RIMS2: variants seen among roughly 807,000 people sequenced by gnomAD.
RIMS2 encodes regulating synaptic membrane exocytosis protein 2.
A neutral mutation model predicts 174.4 loss-of-function variants in RIMS2; 59 were observed. That is an observed-to-expected ratio of 0.34 (90% CI 0.27 to 0.42). The LOEUF (loss-of-function observed/expected upper bound fraction) is 0.42, where lower values mean the gene tolerates loss of function less well. Among genes scored for constraint, RIMS2 ranks in the 10% least tolerant of loss-of-function variants. The probability of loss-of-function intolerance (pLI) is 1.00; values close to 1 mark genes in which losing one functional copy is unlikely to be tolerated. For missense variants in RIMS2, 1,620 were observed against 1,666.3 expected (o/e 0.97, Z 0.48); for synonymous variants, 606 against 572.5 (o/e 1.06, Z -0.84).
At chr8:104,183,982 A>C (rs1041663475) in intron 19 of RIMS2, among the ~76,000 whole-genome samples, 1 of 151,478 alleles carries the variant, frequency 6.6e-6, no homozygotes, top group Non-Finnish European at 1.5e-5. Context: ...CGAGGAAAAA[A>C]CTTTTGTTCC....
chr8:104,173,473 T>C (rs191555500), intron 19 of RIMS2, among the ~76,000 whole-genome samples: 239 of 152,242 alleles, frequency 1.6e-3, no homozygotes, highest in African/African-American at 5.7e-3. Flanking sequence ...CCAGATTATT[T>C]TATTGAAGTA....
At chr8:103,980,979 A>T (rs552155296) in intron 16 of RIMS2, among the ~76,000 whole-genome samples, 26 of 152,188 alleles carry the variant, frequency 1.7e-4, no homozygotes, top group Non-Finnish European at 3.2e-4. Context: ...GCATCTGTGG[A>T]TCTGATCAGG....
chr8:104,024,339 A>G (rs545680206), intron 19 of RIMS2, among the ~76,000 whole-genome samples: 8 of 152,216 alleles, frequency 5.3e-5, no homozygotes, highest in Non-Finnish European at 1.2e-4. Flanking sequence ...TGGAAGGGAC[A>G]TTATAAATCT....
intron 3 of RIMS2, among the ~76,000 whole-genome samples, chr8:103,806,009 A>G (rs1196856262): frequency 6.6e-6 from 1 of 152,138 alleles, no homozygotes; most frequent in Non-Finnish European, 1.5e-5. Context: ...TCTGTGATAT[A>G]TATCTGAAAC....
chr8:103,806,421 G>A (rs879750064), intron 3 of RIMS2, among the ~76,000 whole-genome samples: 2 of 150,404 alleles, frequency 1.3e-5, no homozygotes, highest in Non-Finnish European at 3.0e-5. Context: ...GTAGTACCGT[G>A]GAAGGAGCAC....
intron 1 of RIMS2, among the ~76,000 whole-genome samples, chr8:103,553,601 A>C (rs1172024957): frequency 1.3e-5 from 2 of 152,170 alleles, no homozygotes; most frequent in Non-Finnish European, 2.9e-5. Context: ...TATAATAAAA[A>C]ATAATAATAA....
chr8:103,560,376 T>TAAAAAAAGA (rs1214770903), intron 1 of RIMS2, among the ~76,000 whole-genome samples: 2 of 151,812 alleles, frequency 1.3e-5, no homozygotes, highest in Admixed American at 6.6e-5. Context: ...AAACTCTGTC[T>TAAAAAAAGA]AAAAAAAGAA....
chr8:104,037,491 G>T (rs1280144959), intron 19 of RIMS2, among the ~76,000 whole-genome samples: 1 of 152,126 alleles, frequency 6.6e-6, no homozygotes, highest in Non-Finnish European at 1.5e-5. Context: ...TGTAAATGGT[G>T]GTAAGTGAGA....
intron 2 of RIMS2, among the ~76,000 whole-genome samples, chr8:103,717,309 TAAA>T (rs10710945): frequency 7.0e-6 from 1 of 142,324 alleles, no homozygotes; most frequent in Admixed American, 7.0e-5. Flanking sequence ...TTTCTTTCCT[TAAA>T]AAAAAAAAAA....
chr8:103,756,219 T>A (rs1324522467), intron 2 of RIMS2, among the ~76,000 whole-genome samples: 3 of 151,978 alleles, frequency 2.0e-5, no homozygotes, highest in Non-Finnish European at 2.9e-5. Context: ...TTGCTGGAGG[T>A]CCACTCCAGA....
At chr8:104,030,152 C>G (rs1196604589) in intron 19 of RIMS2, among the ~76,000 whole-genome samples, 5 of 151,820 alleles carry the variant, frequency 3.3e-5, no homozygotes, top group Admixed American at 3.3e-4. Flanking sequence ...GATAGGATAC[C>G]AGAGCATTGT....
intron 3 of RIMS2, among the ~76,000 whole-genome samples, chr8:103,814,424 A>T (rs68142003): frequency 0.13 from 19,776 of 146,872 alleles, 1,719 homozygotes; most frequent in Non-Finnish European, 0.2. Flanking sequence ...TAAAAAAACT[A>T]AAAAAAAAAA....
At chr8:103,684,072 G>T (rs369259933) in intron 1 of RIMS2, among the ~76,000 whole-genome samples, 3 of 152,068 alleles carry the variant, frequency 2.0e-5, no homozygotes. Context: ...TTAATGTCAG[G>T]TTTTATGAAC....
chr8:103,876,919 C>CA (rs1565063497), intron 3 of RIMS2, among the ~76,000 whole-genome samples: 11,397 of 66,778 alleles, frequency 0.17, 1,227 homozygotes, highest in South Asian at 0.24. Context: ...TACACACACA[C>CA]CCCCATATAC....
At chr8:104,068,654 A>G in intron 19 of RIMS2, 42 bp downstream of exon 23, 2 of 974,284 alleles carry the variant, frequency 2.1e-6, no homozygotes, top group Non-Finnish European at 3.2e-6. Context: ...ATAATCAATC[A>G]TATGAAACAG....
chr8:103,945,551 T>A (rs1359529159), intron 14 of RIMS2, among the ~76,000 whole-genome samples: 1 of 152,028 alleles, frequency 6.6e-6, no homozygotes, highest in Non-Finnish European at 1.5e-5. Flanking sequence ...AAACTATTAA[T>A]AAATCGAATC....
chr8:103,843,526 C>T (rs2098952208), intron 3 of RIMS2, among the ~76,000 whole-genome samples: 1 of 152,174 alleles, frequency 6.6e-6, no homozygotes, highest in Non-Finnish European at 1.5e-5. Context: ...GAGAATGTGT[C>T]TATTTGAGAC....
intron 1 of RIMS2, among the ~76,000 whole-genome samples, chr8:103,659,309 G>C (rs1339180415): frequency 6.6e-6 from 1 of 152,132 alleles, no homozygotes; most frequent in Non-Finnish European, 1.5e-5. Flanking sequence ...ACCCGGGCAA[G>C]ACCCCAATCA....
chr8:103,939,337 T>G (rs951814538), intron 13 of RIMS2, among the ~76,000 whole-genome samples: 1 of 152,236 alleles, frequency 6.6e-6, no homozygotes. Flanking sequence ...GCTGCCAAGC[T>G]TGGGCTTGCA....
Sources: gnomAD v4.1 joint callset for allele counts (sites outside exome capture counted in the v4.1 genomes callset) on GRCh38, gnomAD v4.1.1 for gene constraint, MANE v1.5 for transcripts, NCBI Gene and HGNC (gene_info 2026-07-23, HGNC 2026-07-21) for gene names.